ZNF407: variants seen among roughly 807,000 people sequenced by gnomAD.
ZNF407 encodes zinc finger protein 407.
In ZNF407, 17 loss-of-function variants were observed where a neutral mutation model predicts 131.2. The ratio of observed to expected loss-of-function variants is 0.13; its 90% CI spans 0.09 to 0.19. ZNF407 has a LOEUF of 0.19. ZNF407 is among the 10% of genes least tolerant of loss of function. ZNF407 has a pLI of 1.00. For missense variants in ZNF407, 2,681 were observed against 2,830.6 expected, an observed-to-expected ratio of 0.95 and a Z score of 1.20; for synonymous variants, 1,156 against 1,062.0, an observed-to-expected ratio of 1.09 and a Z score of -1.72.
rs1967694453 is a variant in ZNF407, at chr18:74,709,025, A to C, written c.4802+67903A>C. Among the ~76,000 whole-genome samples the C allele has an allele frequency of 2.0e-5, 3 of 152,340 alleles. No homozygotes were observed. In the South Asian group the frequency reaches 6.2e-4, roughly 32 times the overall value. On this transcript the variant is annotated intron_variant, in intron 3 of 8. Coordinates refer to ENST00000299687, the MANE Select transcript of ZNF407 (RefSeq NM_017757.3). ...CCTCAAAATAATGCCTTGGCAACAG[A>C]ATTTTTGATCCTTTAGGAAAATAAC...
chr18:74,774,911 A>C (rs1243893337), intron 3 of ZNF407, among the ~76,000 whole-genome samples: 1 of 152,216 alleles, frequency 6.6e-6, no homozygotes, highest in African/African-American at 2.4e-5. Flanking sequence ...AAAAGTACGT[A>C]TTAATACATT....
chr18:74,698,605 G>A (rs1416764386), intron 3 of ZNF407, among the ~76,000 whole-genome samples: 2 of 152,170 alleles, frequency 1.3e-5, no homozygotes, highest in Non-Finnish European at 2.9e-5. Context: ...GACATTCATG[G>A]TGTGTCAGGT....
intron 3 of ZNF407, among the ~76,000 whole-genome samples, chr18:74,652,335 G>T (rs1400065826): frequency 1.3e-5 from 2 of 152,114 alleles, no homozygotes; most frequent in Admixed American, 1.3e-4. Context: ...GAAATAAAGG[G>T]TTTTAATACT....
intron 7 of ZNF407, among the ~76,000 whole-genome samples, chr18:74,907,278 C>G (rs1205711681): frequency 6.6e-6 from 1 of 152,196 alleles, no homozygotes; most frequent in Admixed American, 6.5e-5. Flanking sequence ...GCTGTCGCTC[C>G]TCTCCTCAGT....
chr18:74,925,874 C>T (rs1971906620), intron 8 of ZNF407, among the ~76,000 whole-genome samples: 1 of 152,186 alleles, frequency 6.6e-6, no homozygotes, highest in Non-Finnish European at 1.5e-5. Flanking sequence ...TAAGCTCATC[C>T]ATAAGTATCA....
Position 74,779,406 on chromosome 18 carries a change from G to T in ZNF407, c.4803-2022G>T, listed in dbSNP as rs894057752. 1.6e-4 allele frequency among the ~76,000 whole-genome samples: 25 copies of T among 151,864 alleles called. 2 individuals carry two copies. The South Asian group carries it at 5.2e-3, about 32-fold the overall frequency. ...TGGGATTACAGGCGTGAGCCACCGCGCCCGGTCAGCTTATATATTTTTTTA... is the reference window on the plus strand; with the variant it reads ...TGGGATTACAGGCGTGAGCCACCGCTCCCGGTCAGCTTATATATTTTTTTA... On this transcript the variant is annotated intron_variant, in intron 3 of 8. Coordinates refer to ENST00000299687, the MANE Select transcript of ZNF407 (RefSeq NM_017757.3).
intron 1 of ZNF407, among the ~76,000 whole-genome samples, chr18:74,609,525 G>T (rs534973210): frequency 6.6e-6 from 1 of 152,132 alleles, no homozygotes; most frequent in African/African-American, 2.4e-5. Flanking sequence ...ATAAAAAAAA[G>T]GTATACTTGT....
chr18:74,816,092 TC>T (rs1970264282), intron 4 of ZNF407, among the ~76,000 whole-genome samples: 1 of 152,214 alleles, frequency 6.6e-6, no homozygotes, highest in African/African-American at 2.4e-5. Flanking sequence ...CAGGATACTC[TC>T]GTATGAAGGG....
chr18:75,062,166 C>G (rs982743531), intron 8 of ZNF407: 1 of 152,368 alleles, frequency 6.6e-6, no homozygotes, highest in African/African-American at 2.4e-5. Context: ...CTGCTTCTGT[C>G]TGGAACTTCT....
At chr18:74,928,230 G>A (rs1404005266) in intron 8 of ZNF407, among the ~76,000 whole-genome samples, 1 of 152,212 alleles carries the variant, frequency 6.6e-6, no homozygotes, top group Admixed American at 6.5e-5. Flanking sequence ...GGGAGTTAGA[G>A]AGCTCACATG....
intron 3 of ZNF407, among the ~76,000 whole-genome samples, chr18:74,695,742 T>G (rs1273778055): frequency 6.6e-6 from 1 of 152,294 alleles, no homozygotes; most frequent in Admixed American, 6.5e-5. Flanking sequence ...CTTTTCCCCT[T>G]TCTTCCCCAT....
chr18:74,678,171 C>T (rs1966896915), intron 3 of ZNF407, among the ~76,000 whole-genome samples: 1 of 152,090 alleles, frequency 6.6e-6, no homozygotes, highest in Non-Finnish European at 1.5e-5. Context: ...AGAATCATTA[C>T]AGTAATAACT....
At chr18:74,657,111 CT>C (rs1985495958) in intron 3 of ZNF407, among the ~76,000 whole-genome samples, 2 of 139,130 alleles carry the variant, frequency 1.4e-5, no homozygotes, top group South Asian at 4.5e-4. Context: ...ATTTAAGTGT[CT>C]GTGTAGTCTT....
At chr18:74,636,715 A>G (rs893341137) in intron 2 of ZNF407, among the ~76,000 whole-genome samples, 1 of 152,236 alleles carries the variant, frequency 6.6e-6, no homozygotes, top group African/African-American at 2.4e-5. Flanking sequence ...AAAGATAGAT[A>G]AAAGTTTTTC....
intron 4 of ZNF407, among the ~76,000 whole-genome samples, chr18:74,823,808 C>G (rs1174943096): frequency 1.3e-5 from 2 of 152,148 alleles, no homozygotes; most frequent in African/African-American, 4.8e-5. Context: ...ATTGACAAGA[C>G]AGAAAATTAA....
chr18:74,713,358 CTTTTTTTTTTTTT>C (rs5826345), intron 3 of ZNF407, among the ~76,000 whole-genome samples: 1 of 84,480 alleles, frequency 1.2e-5, no homozygotes. Flanking sequence ...ATTTTAGCAT[CTTTTTTTTTTTTT>C]TTTTTTTTTT....
Position 75,063,300 on chromosome 18 carries a change from C to G in ZNF407, c.5579C>G (p.Pro1860Arg). 2 of 1,613,704 alleles carry G rather than the reference C, an allele frequency of 1.2e-6. No individual in the cohort carries two copies. The highest frequency in any genetic ancestry group is 2.2e-5 in the South Asian group (2 of 91,082). ...LRSSRRPAPP[P>R]EQVQQVIIFQ... ...AGCAGCAGGAGGCCAGCGCCGCCCC[C>G]TGAGCAGGTGCAGCAGGTCATCATC... Residue 1860 changes from proline (P) to arginine (R), a missense_variant, in exon 9 of 9, where the codon CCT (proline) becomes CGT (arginine). By Grantham distance (103) the Pro-to-Arg change is moderately radical (BLOSUM62 -2). Transcript: ENST00000299687. The surrounding 1 kb of genome is among the most constrained non-coding windows in gnomAD (Gnocchi z 6.6).
intron 8 of ZNF407, chr18:75,060,388 C>T (rs1236940972): frequency 6.6e-6 from 1 of 152,274 alleles, no homozygotes; most frequent in Non-Finnish European, 1.5e-5. Context: ...GTTCACTAGC[C>T]CGGCGGCATC....
At chr18:74,664,694 G>C (rs1244242982) in intron 3 of ZNF407, among the ~76,000 whole-genome samples, 1 of 152,010 alleles carries the variant, frequency 6.6e-6, no homozygotes, top group Non-Finnish European at 1.5e-5. Flanking sequence ...TCCTCCAGCT[G>C]TCTCTCTGTC....
Sources: gnomAD v4.1 joint callset for allele counts (sites outside exome capture counted in the v4.1 genomes callset) on GRCh38, gnomAD v4.1.1 for gene constraint, Gnocchi (gnomAD v3.1) non-coding constraint, MANE v1.5 for transcripts, NCBI Gene and HGNC (gene_info 2026-07-23, HGNC 2026-07-21) for gene names.